The following CEP164 variants were observed in gnomAD, a reference collection of about 807,000 sequenced individuals.
The protein encoded by CEP164 is centrosomal protein of 164 kDa.
In CEP164, 162 loss-of-function variants were observed where a neutral mutation model predicts 182.7. The observed-to-expected ratio is 0.89, with a 90% CI of 0.78 to 1.01. The LOEUF is 1.01. Ranked by LOEUF, CEP164 falls within the 50% of genes least tolerant of loss-of-function variation. The pLI, the probability that CEP164 is intolerant of heterozygous loss-of-function variation, is 0.00. For missense variants in CEP164, 1,735 were observed against 1,790.4 expected, an observed-to-expected ratio of 0.97 and a Z score of 0.56; for synonymous variants, 661 against 690.0, an observed-to-expected ratio of 0.96 and a Z score of 0.66.
chr11:117,351,904 G>A lies in CEP164; in HGVS notation c.309G>A (p.Leu103=). ...TGGTGATCCAAGAGCGGGCAAAGCT[G>A]TCAACTTCTGGGGCCATTAAGAAGA... ...RSLVIQERAK[L]STSGAIKKKK... The change falls in exon 5 of 33, where the codon CTG becomes CTA. Residue 103 remains leucine, a synonymous_variant. Coordinates refer to ENST00000278935, the MANE Select transcript of CEP164 (RefSeq NM_014956.5). 1 of 1,612,702 alleles carries A rather than the reference G, an allele frequency of 6.2e-7. No homozygotes were observed. The highest frequency in any genetic ancestry group is 2.2e-5 in the East Asian group (1 of 44,828).
chr11:117,387,440 C>T (rs1408353764), intron 15 of CEP164, 28 bp downstream of exon 15: 2 of 1,607,552 alleles, frequency 1.2e-6, no homozygotes, highest in East Asian at 2.2e-5. Flanking sequence ...AGGCATGCTT[C>T]CTGGGGCCTT....
chr11:117,362,270 C>T (rs1024818780), intron 6 of CEP164, 134 bp from the exon 7 acceptor site: 15 of 983,616 alleles, frequency 1.5e-5, no homozygotes, highest in East Asian at 1.2e-4. Flanking sequence ...GAGCTGCAGT[C>T]GCCAGGTCAG....
Position 117,361,851 on chromosome 11 carries a change from T to G in CEP164, c.410T>G (p.Leu137Ter), listed in dbSNP as rs2041018896. 1 of 1,614,242 alleles carries G rather than the reference T, an allele frequency of 6.2e-7. No homozygotes were observed. Among genetic ancestry groups the G allele is most frequent in the Non-Finnish European group, 8.5e-7 (1 of 1,180,040 alleles). Reference sequence around the variant, plus strand: ...GTTGCACAGGCCTTGGGTTCCTCATTAGCCCCAGTTCATGTTCCTCTTGGG... The same window carrying G: ...GTTGCACAGGCCTTGGGTTCCTCATGAGCCCCAGTTCATGTTCCTCTTGGG... The part of the protein sequence containing the change: ...PKSSLALGSS[L>*]APVHVPLGGL... Residue 137 changes from leucine to a stop codon, truncating the protein, a stop_gained, in exon 6 of 33, where the codon TTA becomes TGA. Transcript: ENST00000278935. LOFTEE classifies it high-confidence loss of function.
intron 19 of CEP164, 30 bp from the exon 20 acceptor site, chr11:117,392,974 C>T (rs779898155): frequency 1.1e-5 from 18 of 1,611,402 alleles, no homozygotes; most frequent in Non-Finnish European, 1.4e-5. Context: ...CTCGGTTCTT[C>T]ATGCCACATC....
chr11:117,362,086 C>A, intron 6 of CEP164, 93 bp downstream of exon 6: 1 of 1,243,464 alleles, frequency 8.0e-7, no homozygotes, highest in South Asian at 1.5e-5. Context: ...GAGAAATAGA[C>A]AGAATCGGTG....
chr11:117,377,242 A>C (rs906466353), intron 11 of CEP164, among the ~76,000 whole-genome samples: 1 of 152,128 alleles, frequency 6.6e-6, no homozygotes, highest in African/African-American at 2.4e-5. Context: ...CGCAACCTAG[A>C]TCCCTTGCAT....
At chr11:117,369,211 T>C (rs747746609) in intron 8 of CEP164, among the ~76,000 whole-genome samples, 43 of 152,256 alleles carry the variant, frequency 2.8e-4, no homozygotes, top group Non-Finnish European at 4.7e-4. Flanking sequence ...CGTGGGACAC[T>C]GACAGTGTGC....
At chr11:117,370,056 C>T (rs1304887375) in intron 8 of CEP164, among the ~76,000 whole-genome samples, 1 of 152,242 alleles carries the variant, frequency 6.6e-6, no homozygotes, top group Non-Finnish European at 1.5e-5. Flanking sequence ...CCTCTAATGG[C>T]AGCCTACTAG....
At chr11:117,367,452 A>C (rs991101244) in intron 8 of CEP164, among the ~76,000 whole-genome samples, 3 of 152,334 alleles carry the variant, frequency 2.0e-5, no homozygotes, top group Admixed American at 6.5e-5. Flanking sequence ...TAAGCATAAG[A>C]ATTGAGCTGG....
chr11:117,378,955 C>T (rs528530615), intron 11 of CEP164, among the ~76,000 whole-genome samples: 57 of 152,292 alleles, frequency 3.7e-4, no homozygotes, highest in Non-Finnish European at 7.6e-4. Flanking sequence ...TTATTACTAT[C>T]ACCCCCACTT....
At chr11:117,374,528 CTG>C (rs893241680) in intron 10 of CEP164, among the ~76,000 whole-genome samples, 3 of 152,306 alleles carry the variant, frequency 2.0e-5, no homozygotes, top group African/African-American at 7.2e-5. Flanking sequence ...AATTAGGAAG[CTG>C]TGTGTGCTCG....
intron 14 of CEP164, 27 bp from the exon 15 acceptor site, chr11:117,387,176 T>G: frequency 5.0e-6 from 8 of 1,598,396 alleles, no homozygotes; most frequent in Non-Finnish European, 6.0e-6. Flanking sequence ...AACCCTGTGA[T>G]GATATGCCAT....
At chr11:117,372,267 C>G (rs1362260515) in intron 9 of CEP164, among the ~76,000 whole-genome samples, 1 of 151,926 alleles carries the variant, frequency 6.6e-6, no homozygotes, top group Admixed American at 6.6e-5. Flanking sequence ...ACCACCATTC[C>G]TGGCTAATTT....
At chr11:117,346,478 T>A (rs1403209099) in intron 4 of CEP164, among the ~76,000 whole-genome samples, 1 of 151,962 alleles carries the variant, frequency 6.6e-6, no homozygotes, top group Non-Finnish European at 1.5e-5. Flanking sequence ...AGGCTGGTCT[T>A]GAACTCCTGA....
Position 117,394,548 on chromosome 11 carries a change from AG to A in CEP164, c.2760+57del. 6.3e-7 allele frequency: 1 copy of A among 1,594,824 alleles called. No homozygotes were observed. Among genetic ancestry groups the A allele is most frequent in the South Asian group, 1.1e-5 (1 of 88,938 alleles). Reference sequence around the variant, plus strand: ...TGTGACCCCTCCATGCACAGTAGGAAGGTGCTGGGAGCAGACGCATGGCCCC... The same window carrying A: ...TGTGACCCCTCCATGCACAGTAGGAAGTGCTGGGAGCAGACGCATGGCCCC... On this transcript the variant is annotated intron_variant, in intron 21 of 32. Coordinates refer to ENST00000278935, the MANE Select transcript of CEP164 (RefSeq NM_014956.5). The surrounding 1 kb of genome is among the most constrained non-coding windows in gnomAD (Gnocchi z 4.0).
At chr11:117,322,826 C>T (rs1394313332) in intron 1 of CEP164, among the ~76,000 whole-genome samples, 2 of 126,130 alleles carry the variant, frequency 1.6e-5, no homozygotes, top group Non-Finnish European at 3.1e-5. Context: ...AGTGCAGTGG[C>T]GTGATCTCGG....
rs2047256465 is a variant in CEP164 at position 117,410,735 on chromosome 11, C to A, written c.4097-93C>A. 3 of 1,014,912 alleles carry A rather than the reference C, an allele frequency of 3.0e-6. No individual in the cohort carries two copies. The South Asian group carries it at 4.4e-5, about 15-fold the overall frequency. The allele number at this position is 1,014,912 out of a possible 1,614,324, so 62.9% of individuals were successfully genotyped here. ...CTGGCCTCCAGCCACTGAAGCTTTT[C>A]CTTTTATTGTTTATTCTGGGGAGGC... On this transcript the variant is annotated intron_variant, in intron 30 of 32. Coordinates refer to ENST00000278935, the MANE Select transcript of CEP164 (RefSeq NM_014956.5).
chr11:117,351,790 C>T lies in CEP164; in HGVS notation c.195C>T (p.Cys65=). Residue 65 remains cysteine, a splice_region_variant and synonymous_variant, in exon 5 of 33, where the codon TGC becomes TGT. Transcript: ENST00000278935. ...VAPLPGEWKP[C]QDITGDIYYF... Reference sequence around the variant, plus strand: ...ACTTCTGAACTCTGCCCATCCCCAGCCAGGACATCACAGGTGACATTTACT... The same window carrying T: ...ACTTCTGAACTCTGCCCATCCCCAGTCAGGACATCACAGGTGACATTTACT... 6.2e-7 allele frequency: 1 copy of T among 1,613,512 alleles called. No individual in the cohort carries two copies. The highest frequency in any genetic ancestry group is 8.5e-7 in the Non-Finnish European group (1 of 1,179,834).
chr11:117,376,468 T>C (rs1302382173), intron 11 of CEP164, among the ~76,000 whole-genome samples: 3 of 152,240 alleles, frequency 2.0e-5, no homozygotes, highest in Non-Finnish European at 4.4e-5. Flanking sequence ...AAGAAGACTT[T>C]TCTTTTTCTT....
Sources: gnomAD v4.1 joint callset for allele counts (sites outside exome capture counted in the v4.1 genomes callset) on GRCh38, gnomAD v4.1.1 for gene constraint, Gnocchi (gnomAD v3.1) non-coding constraint, MANE v1.5 for transcripts, NCBI Gene and HGNC (gene_info 2026-07-23, HGNC 2026-07-21) for gene names.